The following NSD2 variants were observed in gnomAD, a reference collection of about 807,000 sequenced individuals.
The protein encoded by NSD2 is nuclear receptor binding SET domain protein 2.
NSD2 carries 12 observed loss-of-function variants against 139.0 expected under a neutral mutation model. That is an observed-to-expected ratio of 0.09 (90% CI 0.06 to 0.14). NSD2 has a LOEUF of 0.14. Ranked by LOEUF, NSD2 falls within the 10% of genes least tolerant of loss-of-function variation. NSD2 has a pLI of 1.00. For missense variants in NSD2, 1,155 were observed against 1,745.0 expected, an observed-to-expected ratio of 0.66 and a Z score of 6.02; for synonymous variants, 669 against 648.7, an observed-to-expected ratio of 1.03 and a Z score of -0.48.
At chr4:1,874,780 A>G (rs1714129580) in intron 1 of NSD2, among the ~76,000 whole-genome samples, 1 of 152,178 alleles carries the variant, frequency 6.6e-6, no homozygotes, top group Non-Finnish European at 1.5e-5. Context: ...AATATAAAGT[A>G]CACAGAATAC....
chr4:1,872,603 A>T (rs893000750), intron 1 of NSD2, among the ~76,000 whole-genome samples: 69 of 126,400 alleles, frequency 5.5e-4, no homozygotes, highest in African/African-American at 8.8e-4. Flanking sequence ...AGAGAGAGAG[A>T]GAGAGAGAGA....
intron 5 of NSD2, among the ~76,000 whole-genome samples, chr4:1,929,123 G>A (rs1423722239): frequency 1.3e-5 from 2 of 152,072 alleles, no homozygotes; most frequent in Admixed American, 6.5e-5. Context: ...GGTGGTGGGT[G>A]GGCATTGGTG....
rs182891732 is a variant in NSD2, at chr4:1,937,824, C to G, written c.1675-627C>G. Among the ~76,000 whole-genome samples the G allele has an allele frequency of 1.0e-3, 153 of 152,312 alleles. 1 individual carries two copies. In the Middle Eastern group the frequency reaches 0.031, roughly 30 times the overall value. On this transcript the variant is annotated intron_variant, in intron 7 of 21. Transcript: ENST00000508803. ...GGGGACAGGACAGTTTTCAGCCACA[C>G]CTTTCAGAATCTCAGCCCTTGAGAA...
At chr4:1,905,552 G>T (rs1717783133) in intron 3 of NSD2, among the ~76,000 whole-genome samples, 1 of 152,266 alleles carries the variant, frequency 6.6e-6, no homozygotes, top group African/African-American at 2.4e-5. Flanking sequence ...ACTGCCACCT[G>T]CATGGCCAAA....
chr4:1,932,734 CAGG>C (rs1721811725), intron 6 of NSD2, among the ~76,000 whole-genome samples: 1 of 152,172 alleles, frequency 6.6e-6, no homozygotes, highest in South Asian at 2.1e-4. Context: ...GAATGGCCAA[CAGG>C]AGCGAAACTC....
chr4:1,905,678 G>A (rs980964052), intron 3 of NSD2, among the ~76,000 whole-genome samples: 2 of 152,216 alleles, frequency 1.3e-5, no homozygotes, highest in East Asian at 1.9e-4. Flanking sequence ...GGACTCTGCC[G>A]AGTCCTGGGT....
At chr4:1,949,225 G>A (rs371191973) in intron 9 of NSD2, among the ~76,000 whole-genome samples, 6 of 152,230 alleles carry the variant, frequency 3.9e-5, no homozygotes, top group Non-Finnish European at 8.8e-5. Context: ...CAGGATGTGC[G>A]CTGTGGCTCT....
intron 10 of NSD2, among the ~76,000 whole-genome samples, chr4:1,951,613 G>A (rs550992300): frequency 7.9e-5 from 12 of 152,238 alleles, no homozygotes; most frequent in African/African-American, 2.6e-4. Context: ...TGGGCTGAGG[G>A]GGCCATCACT....
At chr4:1,929,842 A>G (rs917809552) in intron 5 of NSD2, among the ~76,000 whole-genome samples, 1 of 152,150 alleles carries the variant, frequency 6.6e-6, no homozygotes, top group Non-Finnish European at 1.5e-5. Flanking sequence ...CACTGAGGCC[A>G]GACCCGGTGG....
At chr4:1,952,292 T>C in intron 11 of NSD2, 61 bp downstream of exon 11, 2 of 1,602,480 alleles carry the variant, frequency 1.2e-6, no homozygotes, top group Non-Finnish European at 1.7e-6. Context: ...TGCAACCCCC[T>C]GCACCAAGTC....
At chr4:1,909,616 T>TTTTCTATC (rs1321077075) in intron 3 of NSD2, among the ~76,000 whole-genome samples, 1 of 152,012 alleles carries the variant, frequency 6.6e-6, no homozygotes, top group African/African-American at 2.4e-5. Flanking sequence ...ACTTTTATAT[T>TTTTCTATC]TTTCTATCCT....
intron 1 of NSD2, among the ~76,000 whole-genome samples, chr4:1,884,594 A>G (rs371724422): frequency 8.6e-5 from 13 of 151,868 alleles, no homozygotes; most frequent in South Asian, 2.1e-4. Context: ...GGGTTTCACT[A>G]TGTTGGCCAG....
chr4:1,939,790 A>G lies in NSD2; in HGVS notation c.1881+12A>G. ...TAACTGAGAATGAGGTAAAATAATAATAATAACGATAACCATGGCATTGGT... is the reference window on the plus strand; with the variant it reads ...TAACTGAGAATGAGGTAAAATAATAGTAATAACGATAACCATGGCATTGGT... On this transcript the variant is annotated intron_variant, in intron 9 of 21. Transcript: ENST00000508803. The G allele has an allele frequency of 1.2e-6, 2 of 1,614,206 alleles. No homozygotes were observed. The highest frequency in any genetic ancestry group is 1.7e-6 in the Non-Finnish European group (2 of 1,180,028).
intron 7 of NSD2, 62 bp from the exon 8 acceptor site, chr4:1,938,388 CT>C (rs1186431532): frequency 5.3e-5 from 60 of 1,130,092 alleles, no homozygotes; most frequent in Middle Eastern, 3.3e-4. Flanking sequence ...TTTTTTTTTC[CT>C]TTTTTTCTTT....
Position 1,980,911 on chromosome 4 carries a change from T to C in NSD2, c.*2002T>C, listed in dbSNP as rs1727695733. ...CCTTATGATGCCCTAACTTGGAAGG[T>C]TGTTCTAGGGACAGGCCGGGCAGTG... On this transcript the variant is annotated 3_prime_UTR_variant, in exon 22 of 22. Transcript: ENST00000508803. 3 of 233,082 alleles carry C rather than the reference T, an allele frequency of 1.3e-5. No individual in the cohort carries two copies. In the East Asian group the frequency reaches 1.8e-4, roughly 14 times the overall value. The allele number at this position is 233,082 out of a possible 1,614,324, so 14.4% of individuals were successfully genotyped here.
intron 5 of NSD2, among the ~76,000 whole-genome samples, chr4:1,926,545 A>G (rs1334137269): frequency 1.3e-5 from 2 of 151,868 alleles, no homozygotes; most frequent in Non-Finnish European, 2.9e-5. Context: ...ATCACAGCTC[A>G]CTGCAACCTC....
At chr4:1,910,249 A>G (rs1305953005) in intron 3 of NSD2, among the ~76,000 whole-genome samples, 6 of 150,712 alleles carry the variant, frequency 4.0e-5, no homozygotes, top group Non-Finnish European at 7.4e-5. Context: ...TTTTTTCGAG[A>G]CAGTCTTTCT....
chr4:1,887,400 A>G (rs931433063), intron 1 of NSD2: 1 of 152,170 alleles, frequency 6.6e-6, no homozygotes, highest in Non-Finnish European at 1.5e-5. Flanking sequence ...AAAAACAGCT[A>G]CAGGGCCAGG....
chr4:1,932,610 G>C (rs924366741), intron 6 of NSD2, among the ~76,000 whole-genome samples: 2 of 152,088 alleles, frequency 1.3e-5, no homozygotes, highest in Admixed American at 1.3e-4. Context: ...GCCAGGCGTG[G>C]TGGCACATGC....
Sources: gnomAD v4.1 joint callset for allele counts (sites outside exome capture counted in the v4.1 genomes callset) on GRCh38, gnomAD v4.1.1 for gene constraint, MANE v1.5 for transcripts, NCBI Gene and HGNC (gene_info 2026-07-23, HGNC 2026-07-21) for gene names.